VAV3: variants seen among roughly 807,000 people sequenced by gnomAD.
VAV3 encodes the protein guanine nucleotide exchange factor VAV3.
Under a neutral mutation model 131.2 loss-of-function variants are expected in VAV3, and 94 were observed. The observed-to-expected ratio is 0.72, with a 90% CI of 0.61 to 0.85. The LOEUF is 0.85. VAV3 is among the 40% of genes least tolerant of loss of function. The pLI is 0.00. For synonymous variants in VAV3, 349 were observed against 342.0 expected (o/e 1.02, Z -0.22); for missense variants, 939 against 1,002.7 (o/e 0.94, Z 0.86).
intron 1 of VAV3, among the ~76,000 whole-genome samples, chr1:107,957,302 T>C (rs72689643): frequency 0.024 from 3,585 of 151,596 alleles, 69 homozygotes; most frequent in Non-Finnish European, 0.036. Flanking sequence ...TCTATCCCTC[T>C]ATTCACCTCC....
At chr1:107,815,164 G>C (rs1189091264) in intron 2 of VAV3, among the ~76,000 whole-genome samples, 1 of 152,144 alleles carries the variant, frequency 6.6e-6, no homozygotes, top group Non-Finnish European at 1.5e-5. Flanking sequence ...TCCCATGCAT[G>C]AATAGTGTCT....
At chr1:107,887,727 C>T (rs990952871) in intron 1 of VAV3, among the ~76,000 whole-genome samples, 5 of 152,252 alleles carry the variant, frequency 3.3e-5, no homozygotes, top group South Asian at 4.1e-4. Context: ...GGTACCACTA[C>T]GATACCCCAA....
At chr1:107,882,843 G>A (rs6583053) in intron 1 of VAV3, among the ~76,000 whole-genome samples, 2,008 of 152,050 alleles carry the variant, frequency 0.013, 18 homozygotes, top group Non-Finnish European at 0.018. Context: ...TGCTACATGT[G>A]GTATCAGTTT....
intron 19 of VAV3, among the ~76,000 whole-genome samples, chr1:107,657,962 T>A (rs555754975): frequency 1.3e-5 from 2 of 152,322 alleles, no homozygotes; most frequent in South Asian, 4.1e-4. Context: ...AAATCTGCAA[T>A]GTAGGTTTTA....
chr1:107,639,376 A>G (rs1355306638), intron 20 of VAV3, among the ~76,000 whole-genome samples: 2 of 136,170 alleles, frequency 1.5e-5, no homozygotes, highest in Admixed American at 7.3e-5. Context: ...CATTATCAAG[A>G]GAATAAAAAA....
At chr1:107,700,841 G>C (rs900405923) in intron 17 of VAV3, among the ~76,000 whole-genome samples, 2 of 152,154 alleles carry the variant, frequency 1.3e-5, no homozygotes, top group Non-Finnish European at 1.5e-5. Flanking sequence ...GAGTCAGTTG[G>C]TATTTCTGGT....
intron 1 of VAV3, among the ~76,000 whole-genome samples, chr1:107,896,976 C>A (rs1406933405): frequency 6.6e-6 from 1 of 151,996 alleles, no homozygotes; most frequent in East Asian, 2.0e-4. Context: ...CTGCACAGCA[C>A]TCAACAGATA....
intron 20 of VAV3, among the ~76,000 whole-genome samples, chr1:107,628,014 G>A (rs918312035): frequency 2.7e-5 from 4 of 149,802 alleles, no homozygotes; most frequent in Non-Finnish European, 6.0e-5. Context: ...AGGATAAAAA[G>A]ACCCTTAGGA....
chr1:107,893,398 GC>G (rs1480888222), intron 1 of VAV3, among the ~76,000 whole-genome samples: 2 of 152,068 alleles, frequency 1.3e-5, no homozygotes, highest in African/African-American at 4.8e-5. Context: ...ACTTTTACAA[GC>G]CTGTGTGTTT....
chr1:107,892,656 A>C (rs972373835), intron 1 of VAV3, among the ~76,000 whole-genome samples: 2 of 152,192 alleles, frequency 1.3e-5, no homozygotes, highest in Non-Finnish European at 2.9e-5. Flanking sequence ...TCTATATATA[A>C]AGACTACAAT....
intron 21 of VAV3, 102 bp downstream of exon 21, chr1:107,617,465 T>G: frequency 1.1e-6 from 1 of 877,552 alleles, no homozygotes; most frequent in South Asian, 2.3e-5. Flanking sequence ...ATTAATAAAA[T>G]TAATAACTGA....
intron 2 of VAV3, among the ~76,000 whole-genome samples, chr1:107,844,422 A>G (rs1320436628): frequency 6.6e-6 from 1 of 152,176 alleles, no homozygotes; most frequent in Non-Finnish European, 1.5e-5. Context: ...TTAGCTGCAG[A>G]AGTTTTTTTT....
At chr1:107,912,766 G>T (rs987375308) in intron 1 of VAV3, among the ~76,000 whole-genome samples, 1 of 152,166 alleles carries the variant, frequency 6.6e-6, no homozygotes, top group African/African-American at 2.4e-5. Context: ...GCACTACTAG[G>T]CAACTGCAAA....
chr1:107,857,043 A>G (rs1206907925), intron 2 of VAV3, among the ~76,000 whole-genome samples: 1 of 151,912 alleles, frequency 6.6e-6, no homozygotes, highest in Admixed American at 6.6e-5. Flanking sequence ...TTAATACTGA[A>G]TATCAATGTG....
chr1:107,912,148 A>C lies in VAV3; in HGVS notation c.205-37131T>G, dbSNP rs556915355. ...AGCACATACAGAAAACACACCTATG[A>C]CTATCATTTTCTAAAAAGCAGACAT... On this transcript the variant is annotated intron_variant, in intron 1 of 26. Coordinates refer to ENST00000370056, the MANE Select transcript of VAV3 (RefSeq NM_006113.5). 2.6e-5 allele frequency among the ~76,000 whole-genome samples: 4 copies of C among 152,330 alleles called. No homozygotes were observed. In the East Asian group the frequency reaches 5.8e-4, roughly 22 times the overall value.
intron 2 of VAV3, among the ~76,000 whole-genome samples, chr1:107,866,480 T>G (rs1669991469): frequency 6.6e-6 from 1 of 152,032 alleles, no homozygotes; most frequent in Non-Finnish European, 1.5e-5. Context: ...ATAATCCCAG[T>G]GATGAGTACC....
At chr1:107,662,672 G>A (rs1657108901) in intron 19 of VAV3, among the ~76,000 whole-genome samples, 1 of 152,168 alleles carries the variant, frequency 6.6e-6, no homozygotes, top group Non-Finnish European at 1.5e-5. Flanking sequence ...GTTTTAGCAA[G>A]AACATTTACT....
chr1:107,913,084 A>G (rs1672446483), intron 1 of VAV3, among the ~76,000 whole-genome samples: 1 of 152,230 alleles, frequency 6.6e-6, no homozygotes, highest in Non-Finnish European at 1.5e-5. Context: ...TATAGATTTT[A>G]TCCTATCAAG....
intron 1 of VAV3, among the ~76,000 whole-genome samples, chr1:107,908,949 T>C (rs1672242199): frequency 6.6e-6 from 1 of 151,980 alleles, no homozygotes; most frequent in Non-Finnish European, 1.5e-5. Flanking sequence ...AAATACTTGC[T>C]ACATAAGTAC....
Sources: gnomAD v4.1 joint callset for allele counts (sites outside exome capture counted in the v4.1 genomes callset) on GRCh38, gnomAD v4.1.1 for gene constraint, MANE v1.5 for transcripts, NCBI Gene and HGNC (gene_info 2026-07-23, HGNC 2026-07-21) for gene names.